The following ATP6V1H variants were observed in gnomAD, a reference collection of about 807,000 sequenced individuals.
ATP6V1H encodes ATPase H+ transporting V1 subunit H.
ATP6V1H carries 39 observed loss-of-function variants against 71.7 expected under a neutral mutation model. The observed-to-expected ratio is 0.54, with a 90% CI of 0.42 to 0.71. The LOEUF is 0.71. Among genes scored for constraint, ATP6V1H ranks in the 30% least tolerant of loss-of-function variants. The probability of loss-of-function intolerance (pLI) is 0.00; values close to 1 mark genes in which losing one functional copy is unlikely to be tolerated. For synonymous variants in ATP6V1H, 192 were observed against 199.3 expected (o/e 0.96, Z 0.31); for missense variants, 509 against 594.9 (o/e 0.86, Z 1.50).
chr8:53,811,589 G>A (rs1015706462), intron 6 of ATP6V1H, among the ~76,000 whole-genome samples: 2 of 152,116 alleles, frequency 1.3e-5, no homozygotes, highest in African/African-American at 4.8e-5. Flanking sequence ...ACTATATTCT[G>A]TAGCAAAGCT....
intron 12 of ATP6V1H, 67 bp from the exon 13 acceptor site, chr8:53,743,757 A>T: frequency 9.2e-7 from 1 of 1,089,374 alleles, no homozygotes; most frequent in Non-Finnish European, 1.4e-6. Context: ...GTAAGCAGGC[A>T]GCTCAAATAC....
chr8:53,808,836 C>T (rs1192386391), intron 7 of ATP6V1H, among the ~76,000 whole-genome samples: 1 of 151,870 alleles, frequency 6.6e-6, no homozygotes, highest in Non-Finnish European at 1.5e-5. Flanking sequence ...TAATGATCCA[C>T]TTATAACTTA....
intron 9 of ATP6V1H, among the ~76,000 whole-genome samples, chr8:53,788,851 G>A (rs1242687426): frequency 6.6e-6 from 1 of 152,188 alleles, no homozygotes; most frequent in Non-Finnish European, 1.5e-5. Context: ...GCTCCCAAAT[G>A]AGGTCAAAAG....
At chr8:53,827,743 C>T (rs918338188) in intron 4 of ATP6V1H, among the ~76,000 whole-genome samples, 6 of 151,966 alleles carry the variant, frequency 3.9e-5, no homozygotes, top group African/African-American at 1.5e-4. Context: ...TTATTTTTTT[C>T]TGATCCTCTC....
chr8:53,738,692 T>C (rs1386867830), intron 13 of ATP6V1H, among the ~76,000 whole-genome samples: 1 of 152,226 alleles, frequency 6.6e-6, no homozygotes, highest in East Asian at 1.9e-4. Context: ...AAAATGCTTA[T>C]TTTCCAACTC....
chr8:53,817,474 A>G lies in ATP6V1H; in HGVS notation c.363T>C (p.Thr121=), dbSNP rs1368875671. ...FFDYARCSKN[T]AWPYFLPMLN... ...ACATTGGCAGAAAGTAGGGCCACGC[A>G]GTGTTCTTGCTACATCTTGCATAGT... The change falls in exon 5 of 14, where the codon ACT becomes ACC. Residue 121 remains threonine, a synonymous_variant. Coordinates refer to ENST00000359530, the MANE Select transcript of ATP6V1H (RefSeq NM_015941.4). The G allele has an allele frequency of 6.2e-7, 1 of 1,613,226 alleles. No homozygotes were observed. Among genetic ancestry groups the G allele is most frequent in the Non-Finnish European group, 8.5e-7 (1 of 1,179,462 alleles).
rs1808680440 is a variant in ATP6V1H, at chr8:53,772,103, C to T, written c.935G>A (p.Cys312Tyr). ...GTTCTCCAACTGTTTCAGAACTTTGCACTGAATCATAGCCAGGGCATATTC... is the reference window on the plus strand; with the variant it reads ...GTTCTCCAACTGTTTCAGAACTTTGTACTGAATCATAGCCAGGGCATATTC... ...RQEYALAMIQ[C>Y]KVLKQLENLE... The change falls in exon 10 of 14, where the codon TGC (cysteine) becomes TAC (tyrosine). Residue 312 changes from cysteine (C) to tyrosine (Y), a missense_variant. Cys to Tyr is a radical substitution (Grantham distance 194). Coordinates refer to ENST00000359530, the MANE Select transcript of ATP6V1H (RefSeq NM_015941.4). 6.2e-7 allele frequency: 1 copy of T among 1,614,038 alleles called. No individual in the cohort carries two copies. The highest frequency in any genetic ancestry group is 8.5e-7 in the Non-Finnish European group (1 of 1,179,924).
At chr8:53,839,408 C>G (rs1473157638) in intron 2 of ATP6V1H, among the ~76,000 whole-genome samples, 1 of 152,170 alleles carries the variant, frequency 6.6e-6, no homozygotes, top group Non-Finnish European at 1.5e-5. Flanking sequence ...GAGAAAACAT[C>G]AGCAAGTCTC....
intron 5 of ATP6V1H, among the ~76,000 whole-genome samples, chr8:53,815,688 T>C (rs1810426713): frequency 6.6e-6 from 1 of 152,220 alleles, no homozygotes; most frequent in Non-Finnish European, 1.5e-5. Context: ...AATGAATTTA[T>C]AAATACATTA....
chr8:53,838,153 T>G, intron 2 of ATP6V1H, among the ~76,000 whole-genome samples: 1 of 149,606 alleles, frequency 6.7e-6, no homozygotes, highest in African/African-American at 2.5e-5. Context: ...TGAGTCAGAG[T>G]CTTGCTCTAT....
intron 9 of ATP6V1H, among the ~76,000 whole-genome samples, chr8:53,777,605 C>T (rs112430483): frequency 2.0e-5 from 3 of 152,164 alleles, no homozygotes; most frequent in Non-Finnish European, 2.9e-5. Flanking sequence ...GGAAGATATC[C>T]GAAAGCAGGG....
Position 53,754,888 on chromosome 8 carries a change from TGC to T in ATP6V1H, c.1277+1665_1277+1666del, listed in dbSNP as rs1807943800. 3.3e-5 allele frequency among the ~76,000 whole-genome samples: 5 copies of T among 152,232 alleles called. No individual in the cohort carries two copies. The South Asian group carries it at 1.0e-3, about 32-fold the overall frequency. ...AAGGCGAGACTGGCCTATTTGTCTATGCCACCAGCCAGAGGACATTTGTCCGT... is the reference window on the plus strand; with the variant it reads ...AAGGCGAGACTGGCCTATTTGTCTATCACCAGCCAGAGGACATTTGTCCGT... On this transcript the variant is annotated intron_variant, in intron 12 of 13. Coordinates refer to ENST00000359530, the MANE Select transcript of ATP6V1H (RefSeq NM_015941.4).
chr8:53,722,047 T>C (rs1048450528), intron 13 of ATP6V1H, among the ~76,000 whole-genome samples: 1 of 152,224 alleles, frequency 6.6e-6, no homozygotes, highest in African/African-American at 2.4e-5. Flanking sequence ...TATGTAAAAT[T>C]TGCAATAACA....
At chr8:53,780,934 C>A (rs988386872) in intron 9 of ATP6V1H, among the ~76,000 whole-genome samples, 7 of 152,186 alleles carry the variant, frequency 4.6e-5, no homozygotes, top group African/African-American at 1.7e-4. Context: ...TTAATCCAGT[C>A]TATCATTGTT....
intron 9 of ATP6V1H, among the ~76,000 whole-genome samples, chr8:53,782,666 T>C (rs1032505129): frequency 6.6e-6 from 1 of 152,186 alleles, no homozygotes; most frequent in Non-Finnish European, 1.5e-5. Flanking sequence ...CAGTATGATA[T>C]TGGCTGTGGG....
chr8:53,734,552 T>A (rs1296308630), intron 13 of ATP6V1H, among the ~76,000 whole-genome samples: 1 of 152,164 alleles, frequency 6.6e-6, no homozygotes, highest in African/African-American at 2.4e-5. Flanking sequence ...TTCTTAACCC[T>A]CCAAGTACAT....
Position 53,795,715 on chromosome 8 carries a change from C to T in ATP6V1H, c.802G>A (p.Val268Ile). The T allele has an allele frequency of 6.2e-7, 1 of 1,613,908 alleles. No individual in the cohort carries two copies. The highest frequency in any genetic ancestry group is 1.7e-5 in the Admixed American group (1 of 59,960). ...EHLRRYNIIP[V>I]LSDILQESVK... The stretch of plus-strand genomic sequence containing the variant: ...GACTCCTGAAGGATATCAGACAGAA[C>T]TGGAATGATATTATAGCGCCGCAGG... Residue 268 changes from valine to isoleucine, a missense_variant, in exon 9 of 14, where the codon GTT becomes ATT. Coordinates refer to ENST00000359530, the MANE Select transcript of ATP6V1H (RefSeq NM_015941.4).
chr8:53,831,553 G>A (rs933106411), intron 3 of ATP6V1H, among the ~76,000 whole-genome samples: 3 of 152,146 alleles, frequency 2.0e-5, no homozygotes, highest in East Asian at 1.9e-4. Flanking sequence ...ACACTATTAC[G>A]TTAAGATACT....
chr8:53,756,420 A>T, intron 12 of ATP6V1H, 135 bp downstream of exon 12: 2 of 640,248 alleles, frequency 3.1e-6, no homozygotes, highest in Non-Finnish European at 5.2e-6. Context: ...CATAATTCTC[A>T]CTATTGTGGC....
Sources: allele counts gnomAD v4.1 joint callset (sites outside exome capture counted in the v4.1 genomes callset), GRCh38; gene constraint gnomAD v4.1.1; transcripts MANE v1.5; gene names NCBI Gene and HGNC (gene_info 2026-07-23, HGNC 2026-07-21).